Variants in ULK4 observed in about 807,000 individuals in gnomAD.
The protein encoded by ULK4 is inactive serine/threonine-protein kinase ULK4.
In ULK4, 133 loss-of-function variants were observed where a neutral mutation model predicts 160.6. The observed-to-expected ratio is 0.83, with a 90% CI of 0.72 to 0.96. The LOEUF (loss-of-function observed/expected upper bound fraction) is 0.96. ULK4 is among the 40% of genes least tolerant of loss of function. The probability of loss-of-function intolerance (pLI) is 0.00; values close to 1 mark genes in which losing one functional copy is unlikely to be tolerated. For synonymous variants in ULK4, 534 were observed against 539.8 expected (o/e 0.99, Z 0.15); for missense variants, 1,580 against 1,499.5 (o/e 1.05, Z -0.89).
At chr3:41,707,781 C>T (rs566317643) in intron 25 of ULK4, among the ~76,000 whole-genome samples, 2 of 151,318 alleles carry the variant, frequency 1.3e-5, no homozygotes, top group African/African-American at 2.4e-5. Context: ...TGGGCTATGA[C>T]GGTATCCCTG....
intron 31 of ULK4, among the ~76,000 whole-genome samples, chr3:41,596,433 G>C (rs1016837662): frequency 2.6e-5 from 4 of 152,258 alleles, no homozygotes; most frequent in South Asian, 4.1e-4. Flanking sequence ...ACAGGGAAGG[G>C]GTCAAGGGAA....
intron 18 of ULK4, among the ~76,000 whole-genome samples, chr3:41,832,119 C>T (rs957909841): frequency 4.0e-5 from 6 of 150,870 alleles, no homozygotes; most frequent in African/African-American, 4.8e-5. Context: ...CCTGAGGAAT[C>T]GTCCTCCACA....
chr3:41,620,774 G>A (rs2033205680), intron 30 of ULK4, among the ~76,000 whole-genome samples: 1 of 152,066 alleles, frequency 6.6e-6, no homozygotes, highest in Non-Finnish European at 1.5e-5. Context: ...GGGGCAATCA[G>A]GCAAGAGAAA....
At chr3:41,546,767 T>TAAA (rs1158675738) in intron 32 of ULK4, among the ~76,000 whole-genome samples, 3 of 32,532 alleles carry the variant, frequency 9.2e-5, no homozygotes, top group Non-Finnish European at 1.4e-4. Context: ...CCTAGGCCCT[T>TAAA]AAAAAAAAAA....
At chr3:41,534,892 A>T (rs2086444963) in intron 32 of ULK4, among the ~76,000 whole-genome samples, 1 of 152,194 alleles carries the variant, frequency 6.6e-6, no homozygotes, top group Non-Finnish European at 1.5e-5. Flanking sequence ...TATAATTTTT[A>T]GATTAAATCC....
intron 30 of ULK4, among the ~76,000 whole-genome samples, chr3:41,619,117 C>A (rs1362188348): frequency 2.6e-5 from 4 of 152,138 alleles, no homozygotes; most frequent in Admixed American, 2.0e-4. Context: ...CAGGAGGACC[C>A]AGATTCATAA....
chr3:41,932,047 TTAA>T, intron 4 of ULK4, 41 bp from the exon 5 acceptor site: 4 of 1,590,166 alleles, frequency 2.5e-6, no homozygotes, highest in Non-Finnish European at 3.4e-6. Flanking sequence ...AAAAATCAAC[TTAA>T]TTTGTACATA....
chr3:41,506,219 A>G (rs2085368239), intron 32 of ULK4, among the ~76,000 whole-genome samples: 2 of 152,276 alleles, frequency 1.3e-5, no homozygotes, highest in Admixed American at 1.3e-4. Context: ...ATAAATTAGT[A>G]TGGATGGATA....
chr3:41,686,606 A>T (rs1305924173), intron 27 of ULK4, among the ~76,000 whole-genome samples: 2 of 152,234 alleles, frequency 1.3e-5, no homozygotes, highest in Non-Finnish European at 2.9e-5. Flanking sequence ...TAAGAAAATA[A>T]CTTGAAATTA....
At chr3:41,373,126 C>A (rs1038958147) in intron 35 of ULK4, among the ~76,000 whole-genome samples, 3 of 152,116 alleles carry the variant, frequency 2.0e-5, no homozygotes, top group Admixed American at 2.0e-4. Context: ...TAGGAGCACC[C>A]AGATTCATAA....
At chr3:41,676,890 C>G (rs574836135) in intron 29 of ULK4, among the ~76,000 whole-genome samples, 6 of 149,322 alleles carry the variant, frequency 4.0e-5, no homozygotes, top group African/African-American at 1.2e-4. Context: ...GCCTGGGGTG[C>G]CTGCCCCCAC....
intron 32 of ULK4, among the ~76,000 whole-genome samples, chr3:41,536,807 C>A (rs1350496158): frequency 6.6e-6 from 1 of 152,030 alleles, no homozygotes; most frequent in African/African-American, 2.4e-5. Flanking sequence ...GAAGGGCAAA[C>A]AGGAGAGGCA....
intron 31 of ULK4, among the ~76,000 whole-genome samples, chr3:41,598,761 T>C (rs1330526063): frequency 6.6e-6 from 1 of 152,108 alleles, no homozygotes; most frequent in Non-Finnish European, 1.5e-5. Flanking sequence ...ATTACTTACA[T>C]GGTAGGCTTA....
chr3:41,620,087 C>A (rs1307040491), intron 30 of ULK4, among the ~76,000 whole-genome samples: 1 of 152,092 alleles, frequency 6.6e-6, no homozygotes, highest in Non-Finnish European at 1.5e-5. Flanking sequence ...CCTGAATAGA[C>A]CAATAAGAAG....
chr3:41,341,602 G>C (rs955675105), intron 35 of ULK4, among the ~76,000 whole-genome samples: 3 of 152,156 alleles, frequency 2.0e-5, no homozygotes, highest in Admixed American at 2.0e-4. Flanking sequence ...CAGCCAACCT[G>C]TAAAGGTAAA....
chr3:41,752,669 T>A (rs9868066), intron 22 of ULK4, among the ~76,000 whole-genome samples: 46,951 of 152,060 alleles, frequency 0.31, 10,420 homozygotes, highest in African/African-American at 0.63. Flanking sequence ...ATGAGTTGAT[T>A]TTGTTATTTG....
At chr3:41,270,041 C>A (rs2079113221) in intron 35 of ULK4, among the ~76,000 whole-genome samples, 1 of 152,118 alleles carries the variant, frequency 6.6e-6, no homozygotes, top group Admixed American at 6.5e-5. Context: ...TACATACACA[C>A]ACACACAGCA....
chr3:41,620,455 G>C (rs1291823953), intron 30 of ULK4, among the ~76,000 whole-genome samples: 1 of 152,164 alleles, frequency 6.6e-6, no homozygotes, highest in African/African-American at 2.4e-5. Flanking sequence ...TGCAAGGCTG[G>C]TTCAACATAC....
chr3:41,395,691 G>T (rs78165351), intron 35 of ULK4, among the ~76,000 whole-genome samples: 1 of 152,270 alleles, frequency 6.6e-6, no homozygotes, highest in African/African-American at 2.4e-5. Flanking sequence ...AAGTTGTGGA[G>T]ATGGATAATA....
Sources: allele counts gnomAD v4.1 joint callset (sites outside exome capture counted in the v4.1 genomes callset), GRCh38; gene constraint gnomAD v4.1.1; transcripts MANE v1.5; gene names NCBI Gene and HGNC (gene_info 2026-07-23, HGNC 2026-07-21).